The following CD163 variants were observed in gnomAD, a reference collection of about 807,000 sequenced individuals.
CD163 encodes CD163 molecule.
In CD163, 64 loss-of-function variants were observed where a neutral mutation model predicts 129.2. That is an observed-to-expected ratio of 0.50 (90% confidence interval 0.41 to 0.61). CD163 has a LOEUF of 0.61. CD163 is among the 20% of genes least tolerant of loss of function. The pLI is 0.00. For missense variants in CD163, 1,061 were observed against 1,377.9 expected (o/e 0.77, Z 3.64); for synonymous variants, 446 against 478.5 (o/e 0.93, Z 0.89).
chr12:7,482,686 T>G lies in CD163; in HGVS notation c.3204A>C (p.Leu1068Phe). ...GTCTTCGCTTTTTAGTCAAGAAGAA[T>G]AATGCGACGAAAATGGCCAACAGAA... ...GVVLLAIFVA[L>F]FFLTKKRRQR... The change falls in exon 14 of 17, where the codon TTA (leucine) becomes TTC (phenylalanine). Residue 1068 changes from leucine to phenylalanine, a missense_variant. Leu to Phe is a conservative substitution (Grantham distance 22). Transcript: ENST00000432237. The G allele has an allele frequency of 6.2e-7, 1 of 1,614,116 alleles. No individual in the cohort carries two copies. Among genetic ancestry groups the G allele is most frequent in the Non-Finnish European group, 8.5e-7 (1 of 1,179,984 alleles).
chr12:7,491,265 G>C (rs1300709503), intron 6 of CD163, among the ~76,000 whole-genome samples: 1 of 152,020 alleles, frequency 6.6e-6, no homozygotes, highest in African/African-American at 2.4e-5. Context: ...CAAGGCAGAG[G>C]ACAAATTCTC....
Position 7,479,868 on chromosome 12 carries a change from G to T in CD163, c.*23C>A, listed in dbSNP as rs1319796537. 4 of 1,612,088 alleles carry T rather than the reference G, an allele frequency of 2.5e-6. No individual in the cohort carries two copies. Among genetic ancestry groups the T allele is most frequent in the Non-Finnish European group, 3.4e-6 (4 of 1,179,084 alleles). On this transcript the variant is annotated 3_prime_UTR_variant, in exon 16 of 17. Coordinates refer to ENST00000432237, the MANE Select transcript of CD163 (RefSeq NM_203416.4). Reference sequence around the variant, plus strand: ...AAATTCTCATCACTCACCTCACTGGGTTATAAATTCCCATTTTCCTTTTCA... The same window carrying T: ...AAATTCTCATCACTCACCTCACTGGTTTATAAATTCCCATTTTCCTTTTCA...
intron 6 of CD163, among the ~76,000 whole-genome samples, chr12:7,488,576 C>A (rs138770704): frequency 6.6e-6 from 1 of 152,108 alleles, no homozygotes; most frequent in South Asian, 2.1e-4. Context: ...GTTTGGTATA[C>A]GTGACCCTTC....
chr12:7,483,087 A>G (rs1949186042), intron 12 of CD163, 83 bp from the exon 13 acceptor site: 3 of 1,339,832 alleles, frequency 2.2e-6, no homozygotes, highest in Admixed American at 3.7e-5. Context: ...CTGACCCCTT[A>G]GTACCTCTCA....
At chr12:7,474,816 G>A (rs1484880698) in intron 16 of CD163, among the ~76,000 whole-genome samples, 1 of 151,688 alleles carries the variant, frequency 6.6e-6, no homozygotes, top group Non-Finnish European at 1.5e-5. Context: ...AAACAGAATC[G>A]ACAGACCACT....
rs762652679 is a variant in CD163 at position 7,486,798 on chromosome 12, C to A, written c.2159G>T (p.Arg720Leu). The A allele has an allele frequency of 2.5e-6, 4 of 1,609,160 alleles. No homozygotes were observed. The highest frequency in any genetic ancestry group is 2.2e-5 in the South Asian group (2 of 90,742). ...AVACIESGQLRLVNGGGRCAG... is the reference protein window; with the variant it reads ...AVACIESGQLLLVNGGGRCAG... ...ACAGCGACCTCCTCCATTTACCAGGCGAAGTTGACCACTCTCTGCAAAGAG... is the reference window on the plus strand; with the variant it reads ...ACAGCGACCTCCTCCATTTACCAGGAGAAGTTGACCACTCTCTGCAAAGAG... Residue 720 changes from arginine to leucine, a missense_variant, in exon 10 of 17, where the codon CGC (arginine) becomes CTC (leucine). By Grantham distance (102) the Arg-to-Leu change is moderately radical (BLOSUM62 -2). Coordinates refer to ENST00000432237, the MANE Select transcript of CD163 (RefSeq NM_203416.4).
chr12:7,499,180 T>C lies in CD163; in HGVS notation c.466A>G (p.Asn156Asp). The change falls in exon 4 of 17, where the codon AAT (asparagine) becomes GAT (aspartate). Residue 156 changes from asparagine to aspartate, a missense_variant. Asn to Asp is a conservative substitution (Grantham distance 23, BLOSUM62 1). Coordinates refer to ENST00000432237, the MANE Select transcript of CD163 (RefSeq NM_203416.4). ...DAGVTCSDGSNLEMRLTRGGN... is the reference protein window; with the variant it reads ...DAGVTCSDGSDLEMRLTRGGN... ...CCACGCGTCAGCCTCATTTCCAAAT[T>C]GGATCCATCTGGAGCAGAGAAAAGA... is the stretch of plus-strand genomic sequence containing the variant. The C allele has an allele frequency of 6.2e-7, 1 of 1,609,544 alleles. No homozygotes were observed. Among genetic ancestry groups the C allele is most frequent in the Non-Finnish European group, 8.5e-7 (1 of 1,178,620 alleles).
rs1284327829 is a variant in CD163 at position 7,485,826 on chromosome 12, C to T, written c.2459-410G>A. ...TAAAATGACAGTTCATTTGCTGACA[C>T]TTCACAGTTTTGCAGTGCATGTCTT... On this transcript the variant is annotated intron_variant, in intron 10 of 16. Coordinates refer to ENST00000432237, the MANE Select transcript of CD163 (RefSeq NM_203416.4). The surrounding 1 kb of genome is among the most constrained non-coding windows in gnomAD (Gnocchi z 4.5). Among the ~76,000 whole-genome samples the T allele has an allele frequency of 6.6e-6, 1 of 152,158 alleles. No homozygotes were observed. The highest frequency in any genetic ancestry group is 6.5e-5 in the Admixed American group (1 of 15,276).
At chr12:7,475,705 T>G (rs1440198757) in intron 16 of CD163, among the ~76,000 whole-genome samples, 2 of 152,028 alleles carry the variant, frequency 1.3e-5, no homozygotes, top group Non-Finnish European at 2.9e-5. Flanking sequence ...CTCTCACCAC[T>G]CCTATTCAAC....
chr12:7,485,142 C>T lies in CD163; in HGVS notation c.2733G>A (p.Glu911=). Residue 911 remains glutamate (E), a synonymous_variant, in exon 11 of 17, where the codon GAG becomes GAA. Transcript: ENST00000432237. The surrounding 1 kb of genome is among the most constrained non-coding windows in gnomAD (Gnocchi z 4.5). ...CCTCCGAGGGGCTGGCCAGTCTCTT[C>T]TCCCATGGAGATGATGGGCACTGCC... ...TLWQCPSSPW[E]KRLASPSEET... 6.2e-7 allele frequency: 1 copy of T among 1,613,604 alleles called. No homozygotes were observed. The highest frequency in any genetic ancestry group is 1.1e-5 in the South Asian group (1 of 91,064).
chr12:7,503,640 T>G lies in CD163; in HGVS notation c.46+5A>C. The G allele has an allele frequency of 6.3e-7, 1 of 1,590,018 alleles. No individual in the cohort carries two copies. ...GGAAATGTAGAATAAATGAGAAGCT[T>G]TTACCAGCAGATCCAGAGTCTTCAA... On this transcript the variant is annotated splice_donor_5th_base_variant and intron_variant, in intron 1 of 16. Transcript: ENST00000432237.
Position 7,479,865 on chromosome 12 carries a change from T to C in CD163, c.*26A>G. 1 of 1,612,294 alleles carries C rather than the reference T, an allele frequency of 6.2e-7. No homozygotes were observed. The highest frequency in any genetic ancestry group is 8.5e-7 in the Non-Finnish European group (1 of 1,179,142). The stretch of plus-strand genomic sequence containing the variant: ...AATAAATTCTCATCACTCACCTCAC[T>C]GGGTTATAAATTCCCATTTTCCTTT... On this transcript the variant is annotated 3_prime_UTR_variant, in exon 16 of 17. Transcript: ENST00000432237.
chr12:7,495,801 C>A (rs1246313635), intron 5 of CD163, among the ~76,000 whole-genome samples: 5 of 151,358 alleles, frequency 3.3e-5, no homozygotes, highest in African/African-American at 4.9e-5. Context: ...GTTAGAATGG[C>A]GATCATTAAA....
chr12:7,495,881 TG>T (rs1442096254), intron 5 of CD163, among the ~76,000 whole-genome samples: 1 of 152,060 alleles, frequency 6.6e-6, no homozygotes, highest in Non-Finnish European at 1.5e-5. Flanking sequence ...TTGGTGGGAG[TG>T]TAAATTAGTT....
chr12:7,476,224 T>C (rs1356132004), intron 16 of CD163, among the ~76,000 whole-genome samples: 2 of 152,136 alleles, frequency 1.3e-5, no homozygotes, highest in Non-Finnish European at 2.9e-5. Flanking sequence ...CTTTACAGAA[T>C]TGGAAAAATC....
At chr12:7,484,457 T>C (rs997472659) in intron 11 of CD163, among the ~76,000 whole-genome samples, 1 of 151,970 alleles carries the variant, frequency 6.6e-6, no homozygotes, top group African/African-American at 2.4e-5. Context: ...CTGGCCAACA[T>C]GGGGAAACCC....
intron 3 of CD163, among the ~76,000 whole-genome samples, chr12:7,500,421 C>CAAAAAA (rs71953455): frequency 0.048 from 2,939 of 60,872 alleles, 23 homozygotes; most frequent in Non-Finnish European, 0.079. Context: ...CAATTCGTCC[C>CAAAAAA]AAAAAAAAAA....
At chr12:7,494,689 G>A (rs2136727076) in intron 6 of CD163, among the ~76,000 whole-genome samples, 1 of 152,180 alleles carries the variant, frequency 6.6e-6, no homozygotes, top group African/African-American at 2.4e-5. Context: ...AATATTCACA[G>A]GTTTTCCAAA....
chr12:7,485,502 T>G lies in CD163; in HGVS notation c.2459-86A>C. ...CCTTTACCTTGATGTAAGAATGGCT[T>G]TAAAAATAGGTACAATAGTACAATA... On this transcript the variant is annotated intron_variant, in intron 10 of 16. Coordinates refer to ENST00000432237, the MANE Select transcript of CD163 (RefSeq NM_203416.4). This position sits in a 1 kb window ranked among gnomAD's most constrained non-coding sequence, Gnocchi z 4.5. 9.7e-7 allele frequency: 1 copy of G among 1,029,096 alleles called. No homozygotes were observed. The highest frequency in any genetic ancestry group is 1.4e-6 in the Non-Finnish European group (1 of 695,912). 63.7% of individuals were successfully genotyped at this position (1,029,096 alleles called of 1,614,324 possible).
Sources: allele counts gnomAD v4.1 joint callset (sites outside exome capture counted in the v4.1 genomes callset), GRCh38; gene constraint gnomAD v4.1.1; non-coding constraint Gnocchi (gnomAD v3.1); transcripts MANE v1.5; gene names NCBI Gene and HGNC (gene_info 2026-07-23, HGNC 2026-07-21).